HPN: variants seen among roughly 807,000 people sequenced by gnomAD.
HPN encodes the protein serine protease hepsin.
Under a neutral mutation model 55.9 loss-of-function variants are expected in HPN, and 13 were observed. The ratio of observed to expected loss-of-function variants is 0.23; its 90% CI spans 0.15 to 0.37. The LOEUF (loss-of-function observed/expected upper bound fraction) is 0.37, where lower values mean the gene tolerates loss of function less well. Ranked by LOEUF, HPN falls within the 10% of genes least tolerant of loss-of-function variation. HPN has a pLI of 1.00. For missense variants in HPN, 451 were observed against 575.8 expected, an observed-to-expected ratio of 0.78 and a Z score of 2.22; for synonymous variants, 225 against 240.3, an observed-to-expected ratio of 0.94 and a Z score of 0.59.
chr19:35,047,413 C>T (rs1264897537), intron 2 of HPN, among the ~76,000 whole-genome samples: 1 of 152,220 alleles, frequency 6.6e-6, no homozygotes, highest in Non-Finnish European at 1.5e-5. Flanking sequence ...GAAGTCTCCT[C>T]TAGGGGAGGC....
rs2064504752 is a variant in HPN, at chr19:35,059,791, G to A, written c.279G>A (p.Met93Ile). The part of the protein sequence containing the change: ...ARVAGLSCEE[M>I]GFLRALTHSE... ...TAGCCGGACTCAGCTGCGAGGAGATGGGCTTCCTCAGGTACTGGGGGCCCT... is the reference window on the plus strand; with the variant it reads ...TAGCCGGACTCAGCTGCGAGGAGATAGGCTTCCTCAGGTACTGGGGGCCCT... Residue 93 changes from methionine (M) to isoleucine (I), a missense_variant, in exon 5 of 13, where the codon ATG (methionine) becomes ATA (isoleucine). Physicochemically the swap from Met to Ile is conservative, Grantham distance 10. Around this residue, in one of 2 missense-constraint regions of HPN, gnomAD observed 378 missense variants for 445.5 expected, o/e 0.85. Coordinates refer to ENST00000672452, the MANE Select transcript of HPN (RefSeq NM_001384133.1). 6.3e-7 allele frequency: 1 copy of A among 1,576,450 alleles called. No homozygotes were observed.
At chr19:35,045,075 A>G (rs1345459075) in intron 2 of HPN, among the ~76,000 whole-genome samples, 1 of 152,036 alleles carries the variant, frequency 6.6e-6, no homozygotes, top group African/African-American at 2.4e-5. Flanking sequence ...GGGACCTGGT[A>G]GGGGCAAAGG....
At chr19:35,042,621 G>A in intron 2 of HPN, 99 bp downstream of exon 2, 1 of 986,088 alleles carries the variant, frequency 1.0e-6, no homozygotes, top group African/African-American at 1.8e-5. Context: ...CCCTCTCTCT[G>A]GGCACCCCTC....
chr19:35,047,064 G>A (rs550413561), intron 2 of HPN, among the ~76,000 whole-genome samples: 5 of 152,246 alleles, frequency 3.3e-5, no homozygotes, highest in Admixed American at 2.0e-4. Context: ...TCCTGACCTC[G>A]TGATCTGCCC....
chr19:35,065,193 G>C, intron 9 of HPN, 57 bp from the exon 10 acceptor site: 2 of 1,271,890 alleles, frequency 1.6e-6, no homozygotes, highest in Non-Finnish European at 2.3e-6. Context: ...CTGGACAGAG[G>C]TTTGTACCAG....
At chr19:35,042,916 T>TG (rs1273354755) in intron 2 of HPN, among the ~76,000 whole-genome samples, 1 of 152,176 alleles carries the variant, frequency 6.6e-6, no homozygotes, top group East Asian at 1.9e-4. Context: ...TTTTGCTGTG[T>TG]GATCTGGTGC....
intron 9 of HPN, among the ~76,000 whole-genome samples, chr19:35,062,936 G>A (rs2064553627): frequency 6.6e-6 from 1 of 152,206 alleles, no homozygotes; most frequent in South Asian, 2.1e-4. Context: ...GTAATAGCGA[G>A]TAGTATTCGA....
chr19:35,066,139 G>T, intron 12 of HPN, 107 bp downstream of exon 12: 1 of 1,612,818 alleles, frequency 6.2e-7, no homozygotes. Context: ...GCCTAGAAGA[G>T]GGCCCCCCTT....
At chr19:35,066,168 A>C in intron 12 of HPN, 81 bp from the exon 13 acceptor site, 1 of 1,613,520 alleles carries the variant, frequency 6.2e-7, no homozygotes, top group Non-Finnish European at 8.5e-7. Context: ...ATGGACTTTG[A>C]AGGGTTCCTG....
Position 35,059,791 on chromosome 19 carries a change from G to T in HPN, c.279G>T (p.Met93Ile). The T allele has an allele frequency of 6.3e-7, 1 of 1,576,450 alleles. No homozygotes were observed. Among genetic ancestry groups the T allele is most frequent in the East Asian group, 2.3e-5 (1 of 43,848 alleles). The change falls in exon 5 of 13, where the codon ATG (methionine) becomes ATT (isoleucine). Residue 93 changes from methionine (M) to isoleucine (I), a missense_variant. Transcript: ENST00000672452. ...ARVAGLSCEEMGFLRALTHSE... is the reference protein window; with the variant it reads ...ARVAGLSCEEIGFLRALTHSE... ...TAGCCGGACTCAGCTGCGAGGAGAT[G>T]GGCTTCCTCAGGTACTGGGGGCCCT...
intron 4 of HPN, 199 bp from the exon 5 acceptor site, chr19:35,059,474 C>G: frequency 1.4e-6 from 1 of 730,078 alleles, no homozygotes; most frequent in Non-Finnish European, 2.4e-6. Flanking sequence ...AGAGCGAGAC[C>G]CTGTCTTTAA....
chr19:35,065,457 G>A, intron 10 of HPN, 82 bp from the exon 11 acceptor site: 1 of 1,573,476 alleles, frequency 6.4e-7, no homozygotes, highest in Non-Finnish European at 8.7e-7. Flanking sequence ...TAGGGACGCT[G>A]AGGGGAATGG....
chr19:35,060,132 T>C lies in HPN; in HGVS notation c.417T>C (p.Asp139=). 2.5e-6 allele frequency: 4 copies of C among 1,614,198 alleles called. No individual in the cohort carries two copies. The highest frequency in any genetic ancestry group is 3.4e-6 in the Non-Finnish European group (4 of 1,180,032). The change falls in exon 7 of 13, where the codon GAT becomes GAC. Residue 139 remains aspartate (D), a synonymous_variant. Transcript: ENST00000672452. ...TCTCCAATCCCATCTCTCCCAGTGA[T>C]TGCCCCAGAGGCCGTTTCTTGGCCG... is the stretch of plus-strand genomic sequence containing the variant. The part of the protein sequence containing the change: ...QRLLEVISVC[D]CPRGRFLAAI...
intron 2 of HPN, among the ~76,000 whole-genome samples, chr19:35,044,444 G>A (rs372781261): frequency 6.6e-6 from 1 of 152,206 alleles, no homozygotes; most frequent in Non-Finnish European, 1.5e-5. Context: ...GTTGAGCTGG[G>A]TGGGAGAAGA....
chr19:35,057,270 C>CA (rs1224605438), intron 4 of HPN, among the ~76,000 whole-genome samples: 11 of 151,728 alleles, frequency 7.2e-5, no homozygotes, highest in Non-Finnish European at 1.2e-4. Context: ...ACTAAAAATA[C>CA]AAAAAATTAG....
chr19:35,054,436 C>T (rs1052549425), intron 4 of HPN, among the ~76,000 whole-genome samples: 2 of 149,250 alleles, frequency 1.3e-5, no homozygotes, highest in African/African-American at 4.9e-5. Flanking sequence ...AAAAAAAAAC[C>T]GAAGTGGTCA....
At chr19:35,065,778 G>A in intron 11 of HPN, 90 bp from the exon 12 acceptor site, 1 of 1,593,866 alleles carries the variant, frequency 6.3e-7, no homozygotes, top group East Asian at 2.3e-5. Flanking sequence ...AAAAGCCTGA[G>A]GGCTCTGGGG....
intron 4 of HPN, among the ~76,000 whole-genome samples, chr19:35,057,821 A>C (rs1410972531): frequency 6.6e-6 from 1 of 152,148 alleles, no homozygotes; most frequent in Admixed American, 6.5e-5. Context: ...CATCTTGTAC[A>C]CCATCAATGT....
intron 2 of HPN, among the ~76,000 whole-genome samples, chr19:35,044,185 C>T (rs1292265918): frequency 6.6e-6 from 1 of 152,110 alleles, no homozygotes; most frequent in Non-Finnish European, 1.5e-5. Context: ...TAGGGCGGTG[C>T]GTCCGTGTGT....
Sources: allele counts gnomAD v4.1 joint callset (sites outside exome capture counted in the v4.1 genomes callset), GRCh38; gene constraint gnomAD v4.1.1; regional missense constraint gnomAD v4.1.1; transcripts MANE v1.5; gene names NCBI Gene and HGNC (gene_info 2026-07-23, HGNC 2026-07-21).